ATP11C: variants seen among roughly 807,000 people sequenced by gnomAD.
ATP11C encodes ATPase phospholipid transporting 11C (ATP11C blood group).
In ATP11C, 36 loss-of-function variants were observed where a neutral mutation model predicts 97.4. The ratio of observed to expected loss-of-function variants is 0.37; its 90% CI spans 0.28 to 0.49. The LOEUF is 0.49. Ranked by LOEUF, ATP11C falls within the 20% of genes least tolerant of loss-of-function variation. The pLI is 0.98. For synonymous variants in ATP11C, 275 were observed against 290.9 expected (o/e 0.95, Z 0.56); for missense variants, 730 against 824.6 (o/e 0.89, Z 1.40).
chrX:139,774,628 A>G, intron 19 of ATP11C, 62 bp downstream of exon 19: 2 of 1,010,845 alleles, frequency 2.0e-6, no homozygotes, highest in Non-Finnish European at 2.7e-6. Context: ...CCTTTTGTAT[A>G]TGCAGCTGTG....
chrX:139,769,528 G>T (rs1177669914), intron 19 of ATP11C, among the ~76,000 whole-genome samples: 1 of 106,897 alleles, frequency 9.4e-6, no homozygotes, highest in Non-Finnish European at 1.9e-5. Context: ...CCAGGACTAA[G>T]AGGTGTTAGG....
chrX:139,925,475 C>CATAATGTAGCCCAGTCTGAAATGT (rs1434528562), intron 1 of ATP11C, among the ~76,000 whole-genome samples: 11 of 112,173 alleles, frequency 9.8e-5, no homozygotes, highest in Non-Finnish European at 7.5e-5. Context: ...GTCTGAAATG[C>CATAATGTAGCCCAGTCTGAAATGT]ATAAGCTTCT....
At chrX:139,896,606 T>C (rs1464067142) in intron 1 of ATP11C, among the ~76,000 whole-genome samples, 3 of 91,798 alleles carry the variant, frequency 3.3e-5, no homozygotes, top group Non-Finnish European at 4.3e-5. Flanking sequence ...TTTTTTCCCT[T>C]TCTTGAGAAA....
intron 8 of ATP11C, 29 bp from the exon 9 acceptor site, chrX:139,798,772 A>C: frequency 8.7e-7 from 1 of 1,144,266 alleles, no homozygotes; most frequent in Non-Finnish European, 1.2e-6. Flanking sequence ...CAGCTTATCC[A>C]AACAAGCCAA....
intron 1 of ATP11C, among the ~76,000 whole-genome samples, chrX:139,861,769 TACACACAC>T (rs5904005): frequency 4.4e-4 from 45 of 101,322 alleles, no homozygotes; most frequent in African/African-American, 1.4e-3. Flanking sequence ...AATCCTGTTA[TACACACAC>T]ACACACACAC....
intron 12 of ATP11C, among the ~76,000 whole-genome samples, chrX:139,793,995 C>T (rs1019998519): frequency 1.8e-5 from 2 of 112,121 alleles, no homozygotes; most frequent in Admixed American, 1.9e-4. Flanking sequence ...AGAATATATA[C>T]TCACACTATA....
At chrX:139,794,424 C>A (rs974278570) in intron 12 of ATP11C, among the ~76,000 whole-genome samples, 1 of 112,302 alleles carries the variant, frequency 8.9e-6, no homozygotes, top group African/African-American at 3.2e-5. Context: ...GACTTCTTTG[C>A]ACTTTCATTT....
chrX:139,852,509 T>A (rs983482303), intron 1 of ATP11C, among the ~76,000 whole-genome samples: 1 of 78,313 alleles, frequency 1.3e-5, no homozygotes, highest in Non-Finnish European at 2.4e-5. Context: ...GCTTAAAGGA[T>A]CCTCACATAC....
intron 24 of ATP11C, 130 bp from the exon 25 acceptor site, chrX:139,745,987 T>C (rs1196874330): frequency 2.7e-6 from 2 of 728,687 alleles, no homozygotes; most frequent in Non-Finnish European, 3.9e-6. Flanking sequence ...CCTGACAGAT[T>C]TTTGGTAAAG....
At chrX:139,882,061 C>A (rs1385205017) in intron 1 of ATP11C, among the ~76,000 whole-genome samples, 2 of 111,700 alleles carry the variant, frequency 1.8e-5, no homozygotes, top group South Asian at 7.5e-4. Context: ...GCCTCAACTA[C>A]CTTCTCCCCA....
At chrX:139,732,870 C>T (rs778895474) in intron 28 of ATP11C, among the ~76,000 whole-genome samples, 1 of 111,364 alleles carries the variant, frequency 9.0e-6, no homozygotes, top group South Asian at 3.8e-4. Context: ...ATTCACTATC[C>T]TACATTTGTT....
intron 11 of ATP11C, 95 bp downstream of exon 11, chrX:139,797,081 A>G: frequency 1.3e-6 from 1 of 772,865 alleles, no homozygotes; most frequent in Non-Finnish European, 1.9e-6. Flanking sequence ...AAAATTCAGA[A>G]GCTAACAAAA....
At position 139,870,485 on chromosome X, in the gene ATP11C, A is replaced by G. The variant is rs377101264; in HGVS notation, c.28-43662T>C. On this transcript the variant is annotated intron_variant, in intron 1 of 29. Transcript: ENST00000682941. ...ATCATTACTCCAATTTTTCTTTAAA[A>G]AAGTTTTTATGTGATTCCTCAAACA... 5.3e-5 allele frequency among the ~76,000 whole-genome samples: 6 copies of G among 112,503 alleles called. No homozygotes were observed. The East Asian group carries it at 1.1e-3, about 21-fold the overall frequency.
chrX:139,810,443 G>A (rs188678917), intron 5 of ATP11C, among the ~76,000 whole-genome samples: 1 of 111,599 alleles, frequency 9.0e-6, no homozygotes, highest in Non-Finnish European at 1.9e-5. Context: ...TGACAAGAGC[G>A]AAACTCCATC....
At chrX:139,790,464 T>TCACACACACACA (rs56853640) in intron 12 of ATP11C, among the ~76,000 whole-genome samples, 12 of 99,217 alleles carry the variant, frequency 1.2e-4, no homozygotes, top group South Asian at 4.6e-4. Context: ...TCTCTCTCAC[T>TCACACACACACA]CACACACACA....
In ATP11C at chrX:139,728,425, T is replaced by C. The variant is rs2081283993; in HGVS notation, c.*541A>G. 1 of 113,537 alleles carries C rather than the reference T, an allele frequency of 8.8e-6. No homozygotes were observed. The highest frequency in any genetic ancestry group is 3.2e-5 in the African/African-American group (1 of 30,902). 9.4% of individuals were successfully genotyped at this position (113,537 alleles called of 1,213,427 possible). A position where few individuals can be genotyped will look rare whatever the true frequency, so the allele number is the denominator to read the frequency against. On this transcript the variant is annotated 3_prime_UTR_variant, in exon 30 of 30. Transcript: ENST00000682941. ...GGGATTAACTATTCTGTCTGATGCA[T>C]TGATACTATTTAGTTATTCTGTATT...
rs986992706 is a variant in ATP11C, at chrX:139,802,703, C to T, written c.556-364G>A. On this transcript the variant is annotated intron_variant, in intron 6 of 29. Transcript: ENST00000682941. ...TACAGAACTGAGACTTATTATTTTGCTCACTATAGTGTATGGCAATGGAGA... is the reference window on the plus strand; with the variant it reads ...TACAGAACTGAGACTTATTATTTTGTTCACTATAGTGTATGGCAATGGAGA... 3.6e-4 allele frequency among the ~76,000 whole-genome samples: 40 copies of T among 111,148 alleles called. No individual in the cohort carries two copies. In the Admixed American group the frequency reaches 3.7e-3, roughly 10 times the overall value.
chrX:139,761,608 G>A (rs1451821149), intron 22 of ATP11C, among the ~76,000 whole-genome samples: 1 of 111,607 alleles, frequency 9.0e-6, no homozygotes, highest in African/African-American at 3.3e-5. Context: ...AGGATTACAG[G>A]AATGAGCCAC....
At chrX:139,933,390 G>C (rs1217408322), upstream of ATP11C, among the ~76,000 whole-genome samples, 1 of 112,112 alleles carries the variant, frequency 8.9e-6, no homozygotes, top group Non-Finnish European at 1.9e-5. Context: ...AGCTTTCCCT[G>C]GAACGCAAAA....
Sources: allele counts gnomAD v4.1 joint callset (sites outside exome capture counted in the v4.1 genomes callset), GRCh38; gene constraint gnomAD v4.1.1; transcripts MANE v1.5; gene names NCBI Gene and HGNC (gene_info 2026-07-23, HGNC 2026-07-21).